The following CEP120 variants were observed in gnomAD, a reference collection of about 807,000 sequenced individuals.
The protein encoded by CEP120 is centrosomal protein of 120 kDa.
Under a neutral mutation model 126.5 loss-of-function variants are expected in CEP120, and 113 were observed. The ratio of observed to expected loss-of-function variants is 0.89; its 90% confidence interval spans 0.77 to 1.04. CEP120 has a LOEUF of 1.04. CEP120 is among the 50% of genes least tolerant of loss of function. The pLI is 0.00. For synonymous variants in CEP120, 400 were observed against 394.3 expected, an observed-to-expected ratio of 1.01 and a Z score of -0.17; for missense variants, 1,230 against 1,155.7, an observed-to-expected ratio of 1.06 and a Z score of -0.93.
At chr5:123,362,298 C>T (rs1378482941) in intron 18 of CEP120, among the ~76,000 whole-genome samples, 4 of 151,738 alleles carry the variant, frequency 2.6e-5, no homozygotes, top group African/African-American at 9.7e-5. Flanking sequence ...TCAGTACTCT[C>T]GTCAGAGTGG....
chr5:123,352,798 A>G (rs551686959), intron 18 of CEP120, among the ~76,000 whole-genome samples: 1 of 152,128 alleles, frequency 6.6e-6, no homozygotes, highest in Admixed American at 6.5e-5. Context: ...TGATTTTTCA[A>G]TCAATGGAAT....
rs918195727 is a variant in CEP120 at position 123,345,863 on chromosome 5, T to C, written c.*656A>G. ...GAAGAAACCAACAGAGAAAACTATATTAAGCTAATACTTCATGTTCTTAAA... is the reference window on the plus strand; with the variant it reads ...GAAGAAACCAACAGAGAAAACTATACTAAGCTAATACTTCATGTTCTTAAA... On this transcript the variant is annotated 3_prime_UTR_variant, in exon 20 of 20. Coordinates refer to ENST00000306467, the MANE Select transcript of CEP120 (RefSeq NM_001375405.1). 3 of 152,162 alleles carry C rather than the reference T, an allele frequency of 2.0e-5. No individual in the cohort carries two copies. Among genetic ancestry groups the C allele is most frequent in the African/African-American group, 7.2e-5 (3 of 41,454 alleles). 9.4% of individuals were successfully genotyped at this position (152,162 alleles called of 1,614,324 possible).
At position 123,383,086 on chromosome 5, in the gene CEP120, C is replaced by A. The variant is rs552966359; in HGVS notation, c.1764-4G>T. ...ATCTGCTATCCTGTTATTTGATCTA[C>A]AAATAAAATAAGAAATACCTTAAAA... On this transcript the variant is annotated splice_region_variant and splice_polypyrimidine_tract_variant and intron_variant, in intron 11 of 19. Coordinates refer to ENST00000306467, the MANE Select transcript of CEP120 (RefSeq NM_001375405.1). 5 of 1,394,258 alleles carry A rather than the reference C, an allele frequency of 3.6e-6. No homozygotes were observed. The highest frequency in any genetic ancestry group is 4.0e-6 in the Non-Finnish European group (4 of 1,002,984). The allele number at this position is 1,394,258 out of a possible 1,614,324, so 86.4% of individuals were successfully genotyped here.
chr5:123,422,599 C>G (rs765891638), intron 1 of CEP120: 3 of 1,474,416 alleles, frequency 2.0e-6, no homozygotes, highest in Non-Finnish European at 2.7e-6. Context: ...AAAGCTCTTA[C>G]AAGTGCTATT....
At chr5:123,368,146 A>G (rs551562575) in intron 17 of CEP120, among the ~76,000 whole-genome samples, 1 of 152,092 alleles carries the variant, frequency 6.6e-6, no homozygotes, top group African/African-American at 2.4e-5. Flanking sequence ...CTTCTGATAA[A>G]AGCATAGTTG....
rs1472438445 is a variant in CEP120 at position 123,419,815 on chromosome 5, G to GT, written c.50-1301dup. 5.9e-5 allele frequency among the ~76,000 whole-genome samples: 9 copies of GT among 152,064 alleles called. 1 individual carries two copies. Among genetic ancestry groups the GT allele is most frequent in the Admixed American group, 5.9e-4 (9 of 15,264 alleles). On this transcript the variant is annotated intron_variant, in intron 1 of 19. Coordinates refer to ENST00000306467, the MANE Select transcript of CEP120 (RefSeq NM_001375405.1). ...TTGCTCTAAAAAAACTGAGGATCTA[G>GT]TTAAGAGAAACAAACCAAAAAAAAC...
intron 4 of CEP120, among the ~76,000 whole-genome samples, chr5:123,406,200 A>G (rs936077365): frequency 2.0e-5 from 3 of 152,044 alleles, no homozygotes; most frequent in Non-Finnish European, 4.4e-5. Context: ...CACAGAACAG[A>G]ACAGAACATC....
rs1263429253 is a variant in CEP120 at position 123,415,188 on chromosome 5, ATTATGAT to A, written c.321+815_321+821del. Among the ~76,000 whole-genome samples, 41 of 152,270 alleles carry A rather than the reference ATTATGAT, an allele frequency of 2.7e-4. No homozygotes were observed. In the South Asian group the frequency reaches 8.1e-3, roughly 30 times the overall value. On this transcript the variant is annotated intron_variant, in intron 3 of 19. Transcript: ENST00000306467. The stretch of plus-strand genomic sequence containing the variant: ...GCAAGGAGCAGGAAGCAGGGAGGCT[ATTATGAT>A]AGCCAAGGTAAGAAACAATAGCAGC...
At chr5:123,422,629 A>G in intron 1 of CEP120, 1 of 1,261,690 alleles carries the variant, frequency 7.9e-7, no homozygotes, top group Non-Finnish European at 1.1e-6. Context: ...CGCTGATCAG[A>G]ACGCGCTTCT....
chr5:123,350,460 C>G (rs1769131801), intron 18 of CEP120, among the ~76,000 whole-genome samples: 1 of 152,204 alleles, frequency 6.6e-6, no homozygotes, highest in Non-Finnish European at 1.5e-5. Context: ...TTCTCTTTTA[C>G]TATAAGTCAT....
Position 123,418,373 on chromosome 5 carries a change from C to T in CEP120, c.192G>A (p.Ala64=), listed in dbSNP as rs149909431. The T allele has an allele frequency of 3.7e-5, 59 of 1,602,358 alleles. No individual in the cohort carries two copies. In the African/African-American group the frequency reaches 4.6e-4, roughly 12 times the overall value. Residue 64 remains alanine, a synonymous_variant, in exon 2 of 20, where the codon GCG becomes GCA. Transcript: ENST00000306467. ...TELAWEIDRK[A]LHQHRLQRTP... is the part of the protein sequence containing the mutation. ...ATGATAATCACCTGTGCTGATGAAG[C>T]GCTTTCCTGTCAATTTCCCAAGCTA...
intron 3 of CEP120, among the ~76,000 whole-genome samples, chr5:123,414,885 T>C (rs1774281709): frequency 7.3e-6 from 1 of 136,082 alleles, no homozygotes; most frequent in Non-Finnish European, 1.5e-5. Flanking sequence ...GGCGGAAGAA[T>C]GGCATGAACC....
intron 2 of CEP120, among the ~76,000 whole-genome samples, chr5:123,416,560 G>T (rs1774405958): frequency 6.6e-6 from 1 of 151,764 alleles, no homozygotes; most frequent in Admixed American, 6.6e-5. Flanking sequence ...GACAGATCAA[G>T]ACTCCATCTC....
intron 17 of CEP120, among the ~76,000 whole-genome samples, chr5:123,370,733 A>G (rs1770797339): frequency 1.4e-5 from 2 of 147,402 alleles, no homozygotes; most frequent in African/African-American, 5.0e-5. Flanking sequence ...ACACACATAT[A>G]TAATGTATGT....
chr5:123,418,599 G>GT (rs10544575), intron 1 of CEP120, 84 bp from the exon 2 acceptor site: 56,837 of 857,058 alleles, frequency 0.066, 7 homozygotes, highest in Non-Finnish European at 0.07. Flanking sequence ...TGTTTGGCTG[G>GT]TTTTTTTTTT....
At chr5:123,407,737 G>C (rs1414193088) in intron 4 of CEP120, among the ~76,000 whole-genome samples, 2 of 152,160 alleles carry the variant, frequency 1.3e-5, no homozygotes, top group Non-Finnish European at 2.9e-5. Flanking sequence ...GATATCTATA[G>C]ACCACTTCAA....
intron 4 of CEP120, among the ~76,000 whole-genome samples, chr5:123,409,984 A>ACC: frequency 8.2e-6 from 1 of 121,494 alleles, no homozygotes; most frequent in Non-Finnish European, 1.8e-5. Context: ...AAAAAAAAAA[A>ACC]AAAAAAACCA....
intron 17 of CEP120, among the ~76,000 whole-genome samples, chr5:123,364,886 A>T (rs1770345405): frequency 6.6e-6 from 1 of 151,632 alleles, no homozygotes; most frequent in African/African-American, 2.4e-5. Context: ...TTATATAAAG[A>T]TCATAGAGTG....
At chr5:123,377,177 T>A (rs1042658348) in intron 16 of CEP120, among the ~76,000 whole-genome samples, 197 bp downstream of exon 16, 7 of 152,120 alleles carry the variant, frequency 4.6e-5, no homozygotes, top group African/African-American at 1.7e-4. Context: ...GGAAATGACC[T>A]GAAATATGCA....
Sources: gnomAD v4.1 joint callset for allele counts (sites outside exome capture counted in the v4.1 genomes callset) on GRCh38, gnomAD v4.1.1 for gene constraint, MANE v1.5 for transcripts, NCBI Gene and HGNC (gene_info 2026-07-23, HGNC 2026-07-21) for gene names.